MEGF10: variants seen among roughly 807,000 people sequenced by gnomAD.
The protein encoded by MEGF10 is multiple epidermal growth factor-like domains protein 10.
MEGF10 carries 86 observed loss-of-function variants against 147.5 expected under a neutral mutation model. The ratio of observed to expected loss-of-function variants is 0.58; its 90% CI spans 0.49 to 0.70. The LOEUF (loss-of-function observed/expected upper bound fraction) is 0.70, where lower values mean the gene tolerates loss of function less well. Ranked by LOEUF, MEGF10 falls within the 30% of genes least tolerant of loss-of-function variation. MEGF10 has a pLI of 0.00. For synonymous variants in MEGF10, 478 were observed against 525.5 expected, an observed-to-expected ratio of 0.91 and a Z score of 1.24; for missense variants, 1,329 against 1,487.3, an observed-to-expected ratio of 0.89 and a Z score of 1.75.
At chr5:127,285,980 T>C (rs78386201), upstream of MEGF10, among the ~76,000 whole-genome samples, 2,582 of 152,154 alleles carry the variant, frequency 0.017, 63 homozygotes, top group East Asian at 0.091. Flanking sequence ...TATTCGGCCA[T>C]AAAAAATTGG....
chr5:127,376,788 T>G (rs933412493), intron 5 of MEGF10, among the ~76,000 whole-genome samples: 5 of 152,214 alleles, frequency 3.3e-5, no homozygotes, highest in South Asian at 2.1e-4. Context: ...AGTTTACAGA[T>G]GAGGAAACGG....
the MEGF10 span, among the ~76,000 whole-genome samples, chr5:127,245,450 A>AATGAACTCAAGATGGATTAAAGACTT: frequency 6.6e-6 from 1 of 152,194 alleles, no homozygotes; most frequent in African/African-American, 2.4e-5. Context: ...CTTATACAAA[A>AATGAACTCAAGATGGATTAAAGACTT]ATGAACTCAA....
rs2126970984 is a variant in MEGF10 at position 127,419,212 on chromosome 5, T to G, written c.1398T>G (p.Pro466=). 2 of 1,614,068 alleles carry G rather than the reference T, an allele frequency of 1.2e-6. No individual in the cohort carries two copies. The highest frequency in any genetic ancestry group is 1.7e-6 in the Non-Finnish European group (2 of 1,180,000). The change falls in exon 11 of 25, where the codon CCT becomes CCG. Residue 466 remains proline (P), a synonymous_variant. Transcript: ENST00000503335. ...CGCKNDAVCS[P]VDGSCTCKAG... is the part of the protein sequence containing the mutation. ...GTAAAAATGATGCAGTCTGCTCTCCTGTGGACGGGTCTTGTACTTGCAAGG... is the reference window on the plus strand; with the variant it reads ...GTAAAAATGATGCAGTCTGCTCTCCGGTGGACGGGTCTTGTACTTGCAAGG...
At chr5:127,246,985 A>AATATATAT in the MEGF10 span, among the ~76,000 whole-genome samples, 170 of 104,176 alleles carry the variant, frequency 1.6e-3, 1 homozygote, top group South Asian at 3.1e-3. Context: ...GTATAAAAAG[A>AATATATAT]ATATATATAT....
At chr5:127,234,684 T>C in the MEGF10 span, among the ~76,000 whole-genome samples, 1 of 152,214 alleles carries the variant, frequency 6.6e-6, no homozygotes, top group African/African-American at 2.4e-5. Context: ...TATTTAGGGA[T>C]TCATAAATGT....
At chr5:127,248,937 A>G in the MEGF10 span, among the ~76,000 whole-genome samples, 5 of 151,946 alleles carry the variant, frequency 3.3e-5, no homozygotes, top group African/African-American at 1.2e-4. Context: ...AACTGAAACT[A>G]TTTGTCCACA....
At chr5:127,453,454 GACAC>G (rs966097166) in intron 22 of MEGF10, among the ~76,000 whole-genome samples, 8 of 152,272 alleles carry the variant, frequency 5.3e-5, no homozygotes, top group Non-Finnish European at 7.4e-5. Context: ...TAGAGTAATT[GACAC>G]ACTTCATTTG....
chr5:127,342,831 T>G (rs957627494), intron 4 of MEGF10, among the ~76,000 whole-genome samples: 7 of 152,122 alleles, frequency 4.6e-5, no homozygotes, highest in Admixed American at 1.3e-4. Context: ...CCCCTGAGAC[T>G]GCAATATTTT....
the MEGF10 span, among the ~76,000 whole-genome samples, chr5:127,230,233 T>C: frequency 1.1e-4 from 17 of 152,146 alleles, no homozygotes; most frequent in East Asian, 1.7e-3. Context: ...CAGGACTGGT[T>C]TTTGCTGTTC....
the MEGF10 span, among the ~76,000 whole-genome samples, chr5:127,239,878 C>G: frequency 2.6e-5 from 4 of 152,178 alleles, no homozygotes; most frequent in Non-Finnish European, 5.9e-5. Flanking sequence ...GATGACTTCT[C>G]TACCTGTGTC....
At chr5:127,255,199 GTC>G in the MEGF10 span, among the ~76,000 whole-genome samples, 1 of 152,068 alleles carries the variant, frequency 6.6e-6, no homozygotes, top group Non-Finnish European at 1.5e-5. Context: ...GAATGCAAAA[GTC>G]TGAAAATCAT....
At position 127,445,507 on chromosome 5, in the gene MEGF10, G is replaced by T. The variant is rs756366921; in HGVS notation, c.2542G>T (p.Ala848Ser). Residue 848 changes from alanine (A) to serine (S), a missense_variant, in exon 20 of 25, where the codon GCT (alanine) becomes TCT (serine). Physicochemically the swap from Ala to Ser is moderately conservative, Grantham distance 99. Transcript: ENST00000503335. The stretch of plus-strand genomic sequence containing the variant: ...GAACAGCTTAAGCCGAACCAGTACT[G>T]CTCTCCCTGCTGATTCCTACCAGAT... ...NLNSLSRTSTALPADSYQIGA... is the reference protein window; with the variant it reads ...NLNSLSRTSTSLPADSYQIGA... 2 of 1,614,050 alleles carry T rather than the reference G, an allele frequency of 1.2e-6. No homozygotes were observed. The highest frequency in any genetic ancestry group is 4.5e-5 in the East Asian group (2 of 44,888).
At chr5:127,236,696 C>A in the MEGF10 span, among the ~76,000 whole-genome samples, 4 of 152,208 alleles carry the variant, frequency 2.6e-5, no homozygotes, top group Non-Finnish European at 5.9e-5. Context: ...CTCCATCTCA[C>A]TCTTTAAGAT....
chr5:127,251,827 C>T, the MEGF10 span, among the ~76,000 whole-genome samples: 15 of 151,852 alleles, frequency 9.9e-5, no homozygotes, highest in African/African-American at 3.6e-4. Context: ...GAAACTTCTG[C>T]ATGCAAAAGA....
chr5:127,428,744 A>C (rs1432529544), intron 13 of MEGF10, among the ~76,000 whole-genome samples: 1 of 152,256 alleles, frequency 6.6e-6, no homozygotes, highest in Non-Finnish European at 1.5e-5. Flanking sequence ...GAATACTGGC[A>C]TAAGGAATAT....
chr5:127,455,465 T>G lies in MEGF10; in HGVS notation c.3090T>G (p.Tyr1030Ter). The change falls in exon 24 of 25, where the codon TAT (tyrosine) becomes TAG (stop). Residue 1030 changes from tyrosine to a stop codon, truncating the protein, a stop_gained. Transcript: ENST00000503335. LOFTEE classifies it high-confidence loss of function. ...NCSLSSSENP[Y>*]ATIKDPPVLI... ...CCCTAAGCAGTTCTGAGAACCCATA[T>G]GCCACTATTAAAGACCCACCTGTAC... 1 of 1,614,156 alleles carries G rather than the reference T, an allele frequency of 6.2e-7. No homozygotes were observed. The highest frequency in any genetic ancestry group is 2.2e-5 in the East Asian group (1 of 44,860).
At chr5:127,446,253 A>G (rs1249649965) in intron 20 of MEGF10, among the ~76,000 whole-genome samples, 1 of 152,238 alleles carries the variant, frequency 6.6e-6, no homozygotes, top group African/African-American at 2.4e-5. Context: ...GGAAAAATAA[A>G]ATTATAATCA....
In MEGF10 at chr5:127,396,688, A is replaced by G; in HGVS notation, c.569A>G (p.Asp190Gly). The change falls in exon 6 of 25, where the codon GAC becomes GGC. Residue 190 changes from aspartate to glycine, a missense_variant. Around this residue, in one of 3 missense-constraint regions of MEGF10, gnomAD observed 980 missense variants for 1,085.9 expected, o/e 0.90. Coordinates refer to ENST00000503335, the MANE Select transcript of MEGF10 (RefSeq NM_001256545.2). ...DRCEQGTYGN[D>G]CHQRCQCQNG... ...TGTGAGCAGGGCACCTATGGTAACG[A>G]CTGTCATCAGAGATGCCAGTGCCAG... The G allele has an allele frequency of 6.2e-7, 1 of 1,614,016 alleles. No homozygotes were observed. Among genetic ancestry groups the G allele is most frequent in the Non-Finnish European group, 8.5e-7 (1 of 1,180,008 alleles).
Position 127,445,692 on chromosome 5 carries a change from A to G in MEGF10, c.2727A>G (p.Ser909=). Residue 909 remains serine (S), a splice_region_variant and synonymous_variant, in exon 20 of 25, where the codon TCA becomes TCG. Coordinates refer to ENST00000503335, the MANE Select transcript of MEGF10 (RefSeq NM_001256545.2). ...TCGTCAATGCAGATTATACCATTTC[A>G]GGTAAGAGCAGAGGCAGGAGAGGCA... The part of the protein sequence containing the change: ...MRVVNADYTI[S]GTLPHSNGGN... The G allele has an allele frequency of 6.2e-7, 1 of 1,610,244 alleles. No homozygotes were observed. Among genetic ancestry groups the G allele is most frequent in the South Asian group, 1.1e-5 (1 of 90,998 alleles).
Sources: allele counts gnomAD v4.1 joint callset (sites outside exome capture counted in the v4.1 genomes callset), GRCh38; gene constraint gnomAD v4.1.1; regional missense constraint gnomAD v4.1.1; transcripts MANE v1.5; gene names NCBI Gene and HGNC (gene_info 2026-07-23, HGNC 2026-07-21).